The following LRRN1 variants were observed in gnomAD, a reference collection of about 807,000 sequenced individuals.
LRRN1 encodes the protein leucine-rich repeat neuronal protein 1.
In LRRN1, 14 loss-of-function variants were observed where a neutral mutation model predicts 45.8. The observed-to-expected ratio is 0.31, with a 90% CI of 0.20 to 0.48. The LOEUF is 0.48. LRRN1 is among the 20% of genes least tolerant of loss of function. The pLI is 0.99. For synonymous variants in LRRN1, 359 were observed against 330.1 expected (o/e 1.09, Z -0.95); for missense variants, 789 against 874.2 (o/e 0.90, Z 1.23).
At chr3:3,824,499 TA>T (rs911439405) in intron 1 of LRRN1, among the ~76,000 whole-genome samples, 46 of 149,382 alleles carry the variant, frequency 3.1e-4, no homozygotes, top group Admixed American at 4.7e-4. Context: ...ACTGCCATGT[TA>T]AAAAAAAAAT....
At chr3:3,819,819 G>A (rs1188590246) in intron 1 of LRRN1, among the ~76,000 whole-genome samples, 4 of 152,074 alleles carry the variant, frequency 2.6e-5, no homozygotes, top group Admixed American at 2.6e-4. Context: ...CCAGATCATG[G>A]GATACACTGA....
Position 3,846,972 on chromosome 3 carries a change from C to T in LRRN1, c.*180C>T, listed in dbSNP as rs1693793989. The stretch of plus-strand genomic sequence containing the variant: ...AGCGTATCGCAAGGGTTTGACACGG[C>T]TGCCAGCGACTCTAGGCTTCCAGTC... On this transcript the variant is annotated 3_prime_UTR_variant, in exon 2 of 2. Transcript: ENST00000319331. The surrounding 1 kb of genome is among the most constrained non-coding windows in gnomAD (Gnocchi z 5.7). The T allele has an allele frequency of 2.0e-6, 1 of 490,320 alleles. No homozygotes were observed. The highest frequency in any genetic ancestry group is 3.7e-6 in the Non-Finnish European group (1 of 272,550). 30.4% of individuals were successfully genotyped at this position (490,320 alleles called of 1,614,324 possible).
At chr3:3,803,058 T>C (rs896780959) in intron 1 of LRRN1, among the ~76,000 whole-genome samples, 1 of 152,222 alleles carries the variant, frequency 6.6e-6, no homozygotes, top group Non-Finnish European at 1.5e-5. Flanking sequence ...GCAGACTGTG[T>C]TTCTAAAACA....
chr3:3,810,101 A>G (rs1367666873), intron 1 of LRRN1, among the ~76,000 whole-genome samples: 2 of 152,200 alleles, frequency 1.3e-5, no homozygotes, highest in Non-Finnish European at 2.9e-5. Flanking sequence ...GAATTGGCAA[A>G]CAGGTGAATA....
chr3:3,802,540 TCTG>T (rs1692676640), intron 1 of LRRN1, among the ~76,000 whole-genome samples: 1 of 152,234 alleles, frequency 6.6e-6, no homozygotes, highest in East Asian at 1.9e-4. Flanking sequence ...CAGATGTTAG[TCTG>T]CTATTTTACA....
At chr3:3,817,954 G>A (rs1223446940) in intron 1 of LRRN1, among the ~76,000 whole-genome samples, 2 of 152,198 alleles carry the variant, frequency 1.3e-5, no homozygotes, top group South Asian at 2.1e-4. Context: ...GACTTGATCA[G>A]CATCCAAAAA....
chr3:3,846,109 C>CA lies in LRRN1; in HGVS notation c.1471dup (p.Ile491AsnfsTer2). Reference sequence around the variant, plus strand: ...AGGTACCTTGGAAATATCTAACATACAAATTGAAGACTCAGGAAGATACAC... The same window carrying CA: ...AGGTACCTTGGAAATATCTAACATACAAAATTGAAGACTCAGGAAGATACAC... On this transcript the variant is annotated frameshift_variant, in exon 2 of 2. Coordinates refer to ENST00000319331, the MANE Select transcript of LRRN1 (RefSeq NM_020873.7). LOFTEE classifies it high-confidence loss of function. This position sits in a 1 kb window ranked among gnomAD's most constrained non-coding sequence, Gnocchi z 5.7. 1 of 1,613,962 alleles carries CA rather than the reference C, an allele frequency of 6.2e-7. No individual in the cohort carries two copies. Among genetic ancestry groups the CA allele is most frequent in the South Asian group, 1.1e-5 (1 of 91,072 alleles).
At chr3:3,801,602 T>A (rs531558976) in intron 1 of LRRN1, among the ~76,000 whole-genome samples, 1 of 152,146 alleles carries the variant, frequency 6.6e-6, no homozygotes, top group Non-Finnish European at 1.5e-5. Context: ...ATGAAGGAAT[T>A]TGAAAAGACA....
At position 3,848,091 on chromosome 3, in the gene LRRN1, G is replaced by A. The variant is rs1483120883; in HGVS notation, c.*1299G>A. Among the ~76,000 whole-genome samples the A allele has an allele frequency of 6.6e-6, 1 of 152,178 alleles. No homozygotes were observed. The highest frequency in any genetic ancestry group is 1.9e-4 in the East Asian group (1 of 5,200). On this transcript the variant is annotated 3_prime_UTR_variant, in exon 2 of 2. Transcript: ENST00000319331. Reference sequence around the variant, plus strand: ...TCTTCATCAAAGTACAAAAACGTCTGTGGAGTGTCACAAACTGTATGACAT... The same window carrying A: ...TCTTCATCAAAGTACAAAAACGTCTATGGAGTGTCACAAACTGTATGACAT...
At chr3:3,804,409 G>A (rs568089666) in intron 1 of LRRN1, among the ~76,000 whole-genome samples, 1 of 152,140 alleles carries the variant, frequency 6.6e-6, no homozygotes, top group Non-Finnish European at 1.5e-5. Flanking sequence ...AATGAACTGA[G>A]GATCATTCCT....
chr3:3,837,331 T>TC (rs1559305402), intron 1 of LRRN1, among the ~76,000 whole-genome samples: 1 of 45,310 alleles, frequency 2.2e-5, no homozygotes, highest in African/African-American at 5.5e-5. Context: ...TTATTACTCC[T>TC]TCCCCCCCCC....
intron 1 of LRRN1, among the ~76,000 whole-genome samples, chr3:3,813,994 T>C (rs144749156): frequency 3.7e-4 from 56 of 152,084 alleles, no homozygotes; most frequent in Admixed American, 7.2e-4. Context: ...TTGAAATTAT[T>C]TGTAACACCT....
chr3:3,834,700 C>A (rs776696040), intron 1 of LRRN1, among the ~76,000 whole-genome samples: 1 of 150,716 alleles, frequency 6.6e-6, no homozygotes, highest in African/African-American at 2.4e-5. Context: ...CAAGGAGAAC[C>A]AGTCTGAGTC....
At chr3:3,842,322 A>G (rs1693668641) in intron 1 of LRRN1, among the ~76,000 whole-genome samples, 1 of 151,842 alleles carries the variant, frequency 6.6e-6, no homozygotes, top group Non-Finnish European at 1.5e-5. Flanking sequence ...CCCACAGACT[A>G]GCAGGCATCT....
Position 3,844,584 on chromosome 3 carries a change from G to C in LRRN1, c.-58G>C. On this transcript the variant is annotated 5_prime_UTR_variant, in exon 2 of 2. Coordinates refer to ENST00000319331, the MANE Select transcript of LRRN1 (RefSeq NM_020873.7). The stretch of plus-strand genomic sequence containing the variant: ...GCTGTCCTACATATCACAATATAGT[G>C]TTCACGTTTTGTTAAAACTTTGGGG... 1 of 1,300,366 alleles carries C rather than the reference G, an allele frequency of 7.7e-7. No homozygotes were observed. The highest frequency in any genetic ancestry group is 1.1e-6 in the Non-Finnish European group (1 of 923,578). 80.6% of individuals were successfully genotyped at this position (1,300,366 alleles called of 1,614,324 possible). A position where few individuals can be genotyped will look rare whatever the true frequency, so the allele number is the denominator to read the frequency against.
chr3:3,845,420 A>G lies in LRRN1; in HGVS notation c.779A>G (p.Gln260Arg). Residue 260 changes from glutamine (Q) to arginine (R), a missense_variant, in exon 2 of 2, where the codon CAA becomes CGA. Transcript: ENST00000319331. The surrounding 1 kb of genome is among the most constrained non-coding windows in gnomAD (Gnocchi z 6.5). The stretch of plus-strand genomic sequence containing the variant: ...GTTAAAGTCCCTCAACTTGCCCTGC[A>G]AAAAGTTCCAAATTTGAAATTCTTA... ...KLVKVPQLAL[Q>R]KVPNLKFLDL... is the part of the protein sequence containing the mutation. 1 of 1,614,122 alleles carries G rather than the reference A, an allele frequency of 6.2e-7. No homozygotes were observed. Among genetic ancestry groups the G allele is most frequent in the Non-Finnish European group, 8.5e-7 (1 of 1,180,008 alleles).
At chr3:3,812,211 AT>A (rs1192121364) in intron 1 of LRRN1, among the ~76,000 whole-genome samples, 5 of 152,216 alleles carry the variant, frequency 3.3e-5, no homozygotes. Flanking sequence ...CTGATGTGAG[AT>A]AAAAGCAATA....
chr3:3,826,164 T>G (rs1693210280), intron 1 of LRRN1, among the ~76,000 whole-genome samples: 2 of 151,894 alleles, frequency 1.3e-5, no homozygotes, highest in South Asian at 4.2e-4. Context: ...TTTGTCACAA[T>G]CAAACTCCAT....
chr3:3,847,949 T>A lies in LRRN1; in HGVS notation c.*1157T>A, dbSNP rs73113034. ...TATACACCAATATATTCATATATACTCACACACATCCCAACCTGTCACACA... is the reference window on the plus strand; with the variant it reads ...TATACACCAATATATTCATATATACACACACACATCCCAACCTGTCACACA... On this transcript the variant is annotated 3_prime_UTR_variant, in exon 2 of 2. Coordinates refer to ENST00000319331, the MANE Select transcript of LRRN1 (RefSeq NM_020873.7). Among the ~76,000 whole-genome samples the A allele has an allele frequency of 0.059, 8,986 of 152,156 alleles. 506 individuals are homozygous for A. The highest frequency in any genetic ancestry group is 0.19 in the East Asian group (997 of 5,174).
Sources: gnomAD v4.1 joint callset for allele counts (sites outside exome capture counted in the v4.1 genomes callset) on GRCh38, gnomAD v4.1.1 for gene constraint, Gnocchi (gnomAD v3.1) non-coding constraint, MANE v1.5 for transcripts, NCBI Gene and HGNC (gene_info 2026-07-23, HGNC 2026-07-21) for gene names.